EPAS1: variants seen among roughly 807,000 people sequenced by gnomAD.
The protein encoded by EPAS1 is endothelial PAS domain protein 1, also known as endothelial PAS domain-containing protein 1.
EPAS1 carries 23 observed loss-of-function variants against 87.9 expected under a neutral mutation model. That is an observed-to-expected ratio of 0.26 (90% confidence interval 0.19 to 0.37). The LOEUF is 0.37. Among genes scored for constraint, EPAS1 ranks in the 10% least tolerant of loss-of-function variants. The probability of loss-of-function intolerance (pLI) is 1.00; values close to 1 mark genes in which losing one functional copy is unlikely to be tolerated. For synonymous variants in EPAS1, 508 were observed against 444.3 expected (o/e 1.14, Z -1.80); for missense variants, 1,138 against 1,120.7 (o/e 1.02, Z -0.22).
At chr2:46,344,632 C>T (rs904226167) in intron 1 of EPAS1, among the ~76,000 whole-genome samples, 2 of 152,110 alleles carry the variant, frequency 1.3e-5, no homozygotes, top group African/African-American at 2.4e-5. Context: ...TAAAAACTGC[C>T]ACTAAAGGTC....
At chr2:46,321,661 C>T (rs1409563521) in intron 1 of EPAS1, among the ~76,000 whole-genome samples, 1 of 152,052 alleles carries the variant, frequency 6.6e-6, no homozygotes, top group Non-Finnish European at 1.5e-5. Flanking sequence ...TCTTTATAAA[C>T]ATATTGCCTG....
chr2:46,380,035 G>A lies in EPAS1; in HGVS notation c.1555-192G>A. ...TAAACATGGGGGAAGGCTGGTACATGATACAAGGTCGTGTACATGACACAG... is the reference window on the plus strand; with the variant it reads ...TAAACATGGGGGAAGGCTGGTACATAATACAAGGTCGTGTACATGACACAG... On this transcript the variant is annotated intron_variant, in intron 11 of 15. Transcript: ENST00000263734. This position sits in a 1 kb window ranked among gnomAD's most constrained non-coding sequence, Gnocchi z 4.4. 1 of 817,460 alleles carries A rather than the reference G, an allele frequency of 1.2e-6. No individual in the cohort carries two copies. The highest frequency in any genetic ancestry group is 2.4e-5 in the East Asian group (1 of 40,942). The allele number at this position is 817,460 out of a possible 1,614,324, so 50.6% of individuals were successfully genotyped here. A position where few individuals can be genotyped will look rare whatever the true frequency, so the allele number is the denominator to read the frequency against.
intron 2 of EPAS1, among the ~76,000 whole-genome samples, chr2:46,348,938 G>A (rs540398086): frequency 6.6e-6 from 1 of 152,300 alleles, no homozygotes; most frequent in East Asian, 1.9e-4. Context: ...TGGACTCGTT[G>A]TGTTTCTCCT....
chr2:46,340,194 C>G (rs1683884145), intron 1 of EPAS1, among the ~76,000 whole-genome samples: 1 of 151,996 alleles, frequency 6.6e-6, no homozygotes, highest in African/African-American at 2.4e-5. Flanking sequence ...GAATCTGCTG[C>G]TCTTTTCTAC....
In EPAS1 at chr2:46,382,522, C is replaced by T. The variant is rs1383098307; in HGVS notation, c.2385C>T (p.Ser795=). Residue 795 remains serine (S), a synonymous_variant, in exon 15 of 16, where the codon AGC becomes AGT. Transcript: ENST00000263734. The part of the protein sequence containing the change: ...PPSAISPGEN[S]KSRFPPQCYA... ...CTGCCATCAGTCCCGGGGAGAACAG[C>T]AAGAGCAGGTTCCCCCCACAGTGCT... 6.2e-7 allele frequency: 1 copy of T among 1,614,174 alleles called. No individual in the cohort carries two copies. Among genetic ancestry groups the T allele is most frequent in the Non-Finnish European group, 8.5e-7 (1 of 1,180,040 alleles).
rs769824544 is a variant in EPAS1, at chr2:46,375,730, G to A, written c.927G>A (p.Met309Ile). Residue 309 changes from methionine to isoleucine, a missense_variant, in exon 8 of 16, where the codon ATG (methionine) becomes ATA (isoleucine). By Grantham distance (10) the Met-to-Ile change is conservative. Coordinates refer to ENST00000263734, the MANE Select transcript of EPAS1 (RefSeq NM_001430.5). This position sits in a 1 kb window ranked among gnomAD's most constrained non-coding sequence, Gnocchi z 4.1. Reference protein sequence around the residue: ...KGQVVSGQYRMLAKHGGYVWL... With the variant: ...KGQVVSGQYRILAKHGGYVWL... ...AGGTAGTAAGTGGCCAGTACCGGATGCTCGCAAAGCATGGGGGCTACGTGT... is the reference window on the plus strand; with the variant it reads ...AGGTAGTAAGTGGCCAGTACCGGATACTCGCAAAGCATGGGGGCTACGTGT... 5.0e-6 allele frequency: 8 copies of A among 1,614,202 alleles called. 1 individual carries two copies. Among genetic ancestry groups the A allele is most frequent in the South Asian group, 3.3e-5 (3 of 91,078 alleles).
intron 10 of EPAS1, among the ~76,000 whole-genome samples, chr2:46,378,362 T>C (rs1184642932): frequency 1.3e-5 from 2 of 152,222 alleles, no homozygotes; most frequent in Non-Finnish European, 2.9e-5. Flanking sequence ...GGCACAGAGC[T>C]GCACAGTTTG....
At position 46,378,095 on chromosome 2, in the gene EPAS1, G is replaced by A. The variant is rs2103667902; in HGVS notation, c.1443+8G>A. 6.3e-7 allele frequency: 1 copy of A among 1,592,748 alleles called. No homozygotes were observed. The highest frequency in any genetic ancestry group is 8.5e-7 in the Non-Finnish European group (1 of 1,170,902). ...AGCAGCAGCTGCTCCACGGTGAGCA[G>A]CCCTCTTATGGCGAGGACACAGAGA... On this transcript the variant is annotated splice_region_variant and intron_variant, in intron 10 of 15. Transcript: ENST00000263734.
At chr2:46,306,688 GC>G (rs1223542574) in intron 1 of EPAS1, among the ~76,000 whole-genome samples, 1 of 152,048 alleles carries the variant, frequency 6.6e-6, no homozygotes, top group Non-Finnish European at 1.5e-5. Context: ...CGGTTACTTG[GC>G]TTTGTTTATG....
Position 46,360,789 on chromosome 2 carries a change from A to G in EPAS1, c.573+33A>G. On this transcript the variant is annotated intron_variant, in intron 5 of 15. Coordinates refer to ENST00000263734, the MANE Select transcript of EPAS1 (RefSeq NM_001430.5). This position sits in a 1 kb window ranked among gnomAD's most constrained non-coding sequence, Gnocchi z 4.5. ...AACATCAGGCCTGGGTTGGAGTCCC[A>G]GGTGTAGGGTAACGGCGGTGCAGGG... is the stretch of plus-strand genomic sequence containing the variant. 1 of 1,613,148 alleles carries G rather than the reference A, an allele frequency of 6.2e-7. No individual in the cohort carries two copies. The highest frequency in any genetic ancestry group is 8.5e-7 in the Non-Finnish European group (1 of 1,179,156).
intron 1 of EPAS1, among the ~76,000 whole-genome samples, chr2:46,314,163 C>T (rs1387224671): frequency 6.6e-6 from 1 of 152,126 alleles, no homozygotes; most frequent in Non-Finnish European, 1.5e-5. Flanking sequence ...ATTTTTCTGT[C>T]GTGGTGATGT....
At chr2:46,334,283 G>T (rs1683745724) in intron 1 of EPAS1, among the ~76,000 whole-genome samples, 1 of 152,174 alleles carries the variant, frequency 6.6e-6, no homozygotes, top group Non-Finnish European at 1.5e-5. Context: ...TTAGCTACCT[G>T]TCCTTTTGTT....
At chr2:46,324,647 T>G (rs544663174) in intron 1 of EPAS1, among the ~76,000 whole-genome samples, 1 of 152,352 alleles carries the variant, frequency 6.6e-6, no homozygotes, top group African/African-American at 2.4e-5. Context: ...CTGGCCAGGA[T>G]GAAAACGCTC....
chr2:46,347,273 G>A lies in EPAS1; in HGVS notation c.217+210G>A. On this transcript the variant is annotated intron_variant, in intron 2 of 15. Coordinates refer to ENST00000263734, the MANE Select transcript of EPAS1 (RefSeq NM_001430.5). This position sits in a 1 kb window ranked among gnomAD's most constrained non-coding sequence, Gnocchi z 4.2. ...TACCGTGAATCCAGCTGTGAGAGGA[G>A]GGCAGGGACAGGACCAGGGAAGAAC... 1.5e-6 allele frequency: 1 copy of A among 645,196 alleles called. No individual in the cohort carries two copies. Among genetic ancestry groups the A allele is most frequent in the Non-Finnish European group, 2.7e-6 (1 of 364,656 alleles). 40.0% of individuals were successfully genotyped at this position (645,196 alleles called of 1,614,324 possible).
chr2:46,370,031 C>T, intron 7 of EPAS1, 98 bp downstream of exon 7: 3 of 893,484 alleles, frequency 3.4e-6, no homozygotes, highest in Non-Finnish European at 5.5e-6. Context: ...GTCACTTCCT[C>T]CACAGAGCTG....
At chr2:46,352,446 G>A (rs137854963) in intron 2 of EPAS1, among the ~76,000 whole-genome samples, 3 of 152,344 alleles carry the variant, frequency 2.0e-5, no homozygotes, top group Non-Finnish European at 4.4e-5. Flanking sequence ...GAACACAGTA[G>A]AAACTTAATA....
intron 6 of EPAS1, 39 bp downstream of exon 6, chr2:46,361,129 G>A (rs1419890227): frequency 1.2e-6 from 2 of 1,602,110 alleles, no homozygotes; most frequent in South Asian, 2.2e-5. Context: ...GGCAGAGATG[G>A]GTCTTACCTG....
At chr2:46,365,108 G>C (rs1046337758) in intron 6 of EPAS1, among the ~76,000 whole-genome samples, 1 of 152,338 alleles carries the variant, frequency 6.6e-6, no homozygotes, top group Non-Finnish European at 1.5e-5. Context: ...AAGCCAAGCC[G>C]TCAGGGAGAT....
intron 14 of EPAS1, 116 bp from the exon 15 acceptor site, chr2:46,382,309 G>A: frequency 2.2e-6 from 3 of 1,377,870 alleles, no homozygotes; most frequent in African/African-American, 1.4e-5. Flanking sequence ...CTGAAGGTTG[G>A]CTGTAGTTCT....
Sources: gnomAD v4.1 joint callset for allele counts (sites outside exome capture counted in the v4.1 genomes callset) on GRCh38, gnomAD v4.1.1 for gene constraint, Gnocchi (gnomAD v3.1) non-coding constraint, MANE v1.5 for transcripts, NCBI Gene and HGNC (gene_info 2026-07-23, HGNC 2026-07-21) for gene names.